TMCC3: variants seen among roughly 807,000 people sequenced by gnomAD.
TMCC3 encodes the protein transmembrane and coiled-coil domain family 3.
A neutral mutation model predicts 40.2 loss-of-function variants in TMCC3; 28 were observed. The ratio of observed to expected loss-of-function variants is 0.70; its 90% CI spans 0.52 to 0.95. TMCC3 has a LOEUF of 0.95. Among genes scored for constraint, TMCC3 ranks in the 40% least tolerant of loss-of-function variants. TMCC3 has a pLI of 0.00. For missense variants in TMCC3, 554 were observed against 615.2 expected (o/e 0.90, Z 1.05); for synonymous variants, 255 against 248.5 (o/e 1.03, Z -0.25).
intron 1 of TMCC3, among the ~76,000 whole-genome samples, chr12:94,611,422 TA>T (rs1422217027): frequency 1.3e-5 from 2 of 152,202 alleles, no homozygotes; most frequent in African/African-American, 4.8e-5. Flanking sequence ...GAAATATTTC[TA>T]CTGAGAACTG....
intron 1 of TMCC3, among the ~76,000 whole-genome samples, chr12:94,612,838 T>C (rs2068824402): frequency 2.0e-5 from 3 of 152,194 alleles, no homozygotes; most frequent in Admixed American, 1.3e-4. Context: ...TTTTAACTGA[T>C]TCTTAAAACA....
At chr12:94,581,136 C>T (rs1165268244) in intron 2 of TMCC3, among the ~76,000 whole-genome samples, 1 of 151,988 alleles carries the variant, frequency 6.6e-6, no homozygotes, top group African/African-American at 2.4e-5. Context: ...ACGGAGATAC[C>T]TCAAAAATGG....
intron 1 of TMCC3, among the ~76,000 whole-genome samples, chr12:94,642,799 G>T (rs1483962102): frequency 6.6e-6 from 1 of 152,162 alleles, no homozygotes; most frequent in Non-Finnish European, 1.5e-5. Context: ...TGCTTTACAC[G>T]TACTACACCG....
At chr12:94,598,830 G>A in intron 1 of TMCC3, 2 of 917,696 alleles carry the variant, frequency 2.2e-6, no homozygotes, top group Non-Finnish European at 2.6e-6. Context: ...TAAAACAAAT[G>A]GTGGGCTGTG....
At chr12:94,643,856 G>A (rs954351836) in intron 1 of TMCC3, among the ~76,000 whole-genome samples, 1 of 152,198 alleles carries the variant, frequency 6.6e-6, no homozygotes, top group African/African-American at 2.4e-5. Context: ...ACATACACAG[G>A]TTCAAACCCT....
intron 1 of TMCC3, chr12:94,616,150 A>T: frequency 1.1e-6 from 1 of 949,628 alleles, no homozygotes; most frequent in Middle Eastern, 5.4e-4. Context: ...AATGTCAGTA[A>T]TAATGCACCG....
intron 1 of TMCC3, among the ~76,000 whole-genome samples, chr12:94,620,087 C>T (rs567028617): frequency 2.0e-5 from 3 of 151,834 alleles, no homozygotes; most frequent in African/African-American, 4.8e-5. Flanking sequence ...CGCTTGAACC[C>T]GGAAGGCGGA....
intron 1 of TMCC3, among the ~76,000 whole-genome samples, chr12:94,585,621 C>T (rs1429284549): frequency 1.3e-5 from 2 of 152,106 alleles, no homozygotes; most frequent in Non-Finnish European, 2.9e-5. Context: ...TGCTTGAACC[C>T]AGGAGGTGGA....
intron 1 of TMCC3, among the ~76,000 whole-genome samples, chr12:94,586,864 AT>A (rs2068641464): frequency 1.3e-5 from 2 of 152,262 alleles, no homozygotes; most frequent in Admixed American, 1.3e-4. Context: ...AAGCAACAGC[AT>A]TTAAAGCCCC....
intron 3 of TMCC3, among the ~76,000 whole-genome samples, chr12:94,575,544 G>T (rs751067307): frequency 1.3e-5 from 2 of 152,200 alleles, no homozygotes; most frequent in Non-Finnish European, 2.9e-5. Flanking sequence ...CATTCACACA[G>T]ATGTCCTCTT....
At chr12:94,574,918 A>G (rs879322277) in intron 3 of TMCC3, among the ~76,000 whole-genome samples, 2 of 152,206 alleles carry the variant, frequency 1.3e-5, no homozygotes, top group African/African-American at 2.4e-5. Context: ...AACTGCTGTC[A>G]ATTTTTTTTA....
intron 1 of TMCC3, among the ~76,000 whole-genome samples, chr12:94,629,001 A>T (rs2068918127): frequency 6.6e-6 from 1 of 152,086 alleles, no homozygotes; most frequent in South Asian, 2.1e-4. Flanking sequence ...CCACTATAAA[A>T]ACCTGCTGGT....
intron 1 of TMCC3, among the ~76,000 whole-genome samples, chr12:94,586,639 A>G (rs948197941): frequency 4.7e-5 from 7 of 148,126 alleles, no homozygotes. Context: ...CCGAGCAGTA[A>G]ATAAACACCT....
At chr12:94,572,829 G>A (rs529256204) in intron 3 of TMCC3, among the ~76,000 whole-genome samples, 3 of 152,240 alleles carry the variant, frequency 2.0e-5, no homozygotes, top group South Asian at 4.2e-4. Flanking sequence ...GAAGGGAGGG[G>A]AAGGGACTGG....
intron 1 of TMCC3, among the ~76,000 whole-genome samples, chr12:94,623,162 A>G (rs564371196): frequency 1.3e-5 from 2 of 152,318 alleles, no homozygotes; most frequent in African/African-American, 4.8e-5. Flanking sequence ...ATTTCTCTGA[A>G]AAGAAAAGAT....
intron 3 of TMCC3, among the ~76,000 whole-genome samples, chr12:94,576,095 C>T (rs1034730081): frequency 1.3e-5 from 2 of 152,164 alleles, no homozygotes; most frequent in African/African-American, 4.8e-5. Flanking sequence ...CAACAATTAA[C>T]GTTTAAATGG....
chr12:94,587,928 G>A (rs2068647653), intron 1 of TMCC3, among the ~76,000 whole-genome samples: 1 of 152,176 alleles, frequency 6.6e-6, no homozygotes, highest in South Asian at 2.1e-4. Context: ...TATTACTTTA[G>A]ATGAAAGGCA....
intron 1 of TMCC3, chr12:94,590,834 T>C: frequency 1.9e-6 from 1 of 522,288 alleles, no homozygotes; most frequent in South Asian, 1.6e-5. Flanking sequence ...GGGGACGATG[T>C]GCACCCGCAA....
intron 1 of TMCC3, among the ~76,000 whole-genome samples, chr12:94,599,310 C>G (rs548976997): frequency 6.6e-6 from 1 of 152,116 alleles, no homozygotes; most frequent in African/African-American, 2.4e-5. Flanking sequence ...CTTCAGAAGA[C>G]TCCAGAGCCA....
Sources: gnomAD v4.1 joint callset for allele counts (sites outside exome capture counted in the v4.1 genomes callset) on GRCh38, gnomAD v4.1.1 for gene constraint, MANE v1.5 for transcripts, NCBI Gene and HGNC (gene_info 2026-07-23, HGNC 2026-07-21) for gene names.